Variants in AGL observed in about 807,000 individuals in gnomAD.
AGL encodes the protein amylo-alpha-1,6-glucosidase and 4-alpha-glucanotransferase, also known as glycogen debranching enzyme.
Under a neutral mutation model 199.3 loss-of-function variants are expected in AGL, and 128 were observed. The ratio of observed to expected loss-of-function variants is 0.64; its 90% confidence interval spans 0.56 to 0.74. The LOEUF is 0.74. Among genes scored for constraint, AGL ranks in the 30% least tolerant of loss-of-function variants. AGL has a pLI of 0.00. For synonymous variants in AGL, 584 were observed against 594.7 expected (o/e 0.98, Z 0.26); for missense variants, 1,809 against 1,820.8 (o/e 0.99, Z 0.12).
chr1:99,891,336 C>A lies in AGL; in HGVS notation c.2929C>A (p.Arg977=). 2.5e-6 allele frequency: 4 copies of A among 1,613,506 alleles called. No homozygotes were observed. Among genetic ancestry groups the A allele is most frequent in the African/African-American group, 1.3e-5 (1 of 74,954 alleles). Residue 977 remains arginine, a synonymous_variant, in exon 22 of 34, where the codon CGA becomes AGA. Coordinates refer to ENST00000361915, the MANE Select transcript of AGL (RefSeq NM_000642.3). ...IDYVSNRLIS[R]SGTIAEVGKW... ...CTATGTCAGTAACCGGCTTATTTCA[C>A]GATCAGGAACTATTGCTGAAGTAAG...
In AGL at chr1:99,891,337, G is replaced by A. The variant is rs147977213; in HGVS notation, c.2930G>A (p.Arg977Gln). The change falls in exon 22 of 34, where the codon CGA becomes CAA. Residue 977 changes from arginine (R) to glutamine (Q), a missense_variant. Arg to Gln is a conservative substitution (Grantham distance 43). Coordinates refer to ENST00000361915, the MANE Select transcript of AGL (RefSeq NM_000642.3). ...TATGTCAGTAACCGGCTTATTTCAC[G>A]ATCAGGAACTATTGCTGAAGTAAGT... is the stretch of plus-strand genomic sequence containing the variant. ...IDYVSNRLIS[R>Q]SGTIAEVGKW... 157 of 1,613,558 alleles carry A rather than the reference G, an allele frequency of 9.7e-5. No individual in the cohort carries two copies. The East Asian group carries it at 2.7e-3, about 28-fold the overall frequency.
At chr1:99,859,843 A>C (rs1649890162) in intron 2 of AGL, among the ~76,000 whole-genome samples, 1 of 152,170 alleles carries the variant, frequency 6.6e-6, no homozygotes. Flanking sequence ...TGCCTGGCCA[A>C]ATGTCTTTTG....
Position 99,902,669 on chromosome 1 carries a change from T to C in AGL, c.3589-14T>C, listed in dbSNP as rs886044920. ...AATTTCTAACAGAGGTAACACCCAT[T>C]ATGTCTCAAACAGGATCAGCCATTG... On this transcript the variant is annotated splice_polypyrimidine_tract_variant and intron_variant, in intron 26 of 33. Transcript: ENST00000361915. 1 of 1,593,890 alleles carries C rather than the reference T, an allele frequency of 6.3e-7. No individual in the cohort carries two copies. Among genetic ancestry groups the C allele is most frequent in the Non-Finnish European group, 8.6e-7 (1 of 1,161,904 alleles).
At chr1:99,858,968 C>T (rs1350494480) in intron 2 of AGL, among the ~76,000 whole-genome samples, 9 of 151,590 alleles carry the variant, frequency 5.9e-5, no homozygotes, top group Non-Finnish European at 5.9e-5. Flanking sequence ...GGGTTTTTTC[C>T]TGAAGGTAGA....
intron 27 of AGL, among the ~76,000 whole-genome samples, chr1:99,906,154 C>T (rs552079208): frequency 6.6e-6 from 1 of 152,234 alleles, no homozygotes; most frequent in South Asian, 2.1e-4. Context: ...CTTCCCCAGC[C>T]CCTGGAACCA....
At chr1:99,882,093 C>G (rs1311612330) in intron 17 of AGL, among the ~76,000 whole-genome samples, 2 of 151,244 alleles carry the variant, frequency 1.3e-5, no homozygotes. Flanking sequence ...GAGTCCAGAT[C>G]CCACCACTGC....
intron 21 of AGL, among the ~76,000 whole-genome samples, chr1:99,890,734 G>A (rs992484145): frequency 5.3e-5 from 8 of 151,804 alleles, no homozygotes; most frequent in Non-Finnish European, 1.0e-4. Flanking sequence ...TCCAAAGCAT[G>A]CTTTATTCTT....
In AGL at chr1:99,876,495, A is replaced by C; in HGVS notation, c.1321A>C (p.Met441Leu). The change falls in exon 11 of 34, where the codon ATG (methionine) becomes CTG (leucine). Residue 441 changes from methionine (M) to leucine (L), a missense_variant. Physicochemically the swap from Met to Leu is conservative, Grantham distance 15 (BLOSUM62 2). Coordinates refer to ENST00000361915, the MANE Select transcript of AGL (RefSeq NM_000642.3). ...CCCATTTGAAGAGATAGACTTCTCCATGGAAGAATCTATGATTCATCTGCC... is the reference window on the plus strand; with the variant it reads ...CCCATTTGAAGAGATAGACTTCTCCCTGGAAGAATCTATGATTCATCTGCC... Reference protein sequence around the residue: ...TFPFEEIDFSMEESMIHLPNK... With the variant: ...TFPFEEIDFSLEESMIHLPNK... 1 of 1,610,380 alleles carries C rather than the reference A, an allele frequency of 6.2e-7. No homozygotes were observed. Among genetic ancestry groups the C allele is most frequent in the Non-Finnish European group, 8.5e-7 (1 of 1,176,642 alleles).
intron 7 of AGL, 100 bp from the exon 8 acceptor site, chr1:99,874,587 T>A: frequency 8.8e-7 from 1 of 1,139,336 alleles, no homozygotes. Context: ...TTTGTTTTAT[T>A]TTCAGTGAAA....
intron 13 of AGL, 58 bp from the exon 14 acceptor site, chr1:99,880,574 A>T: frequency 6.4e-7 from 1 of 1,560,010 alleles, no homozygotes; most frequent in East Asian, 2.2e-5. Flanking sequence ...GAAGAAATCT[A>T]ACCTCTTCCT....
chr1:99,896,869 G>A (rs1160654622), intron 25 of AGL, among the ~76,000 whole-genome samples: 1 of 151,954 alleles, frequency 6.6e-6, no homozygotes, highest in Non-Finnish European at 1.5e-5. Context: ...GGAGTGCAGC[G>A]GCACAGTCTC....
At chr1:99,913,858 C>A in intron 30 of AGL, 120 bp downstream of exon 30, 1 of 954,176 alleles carries the variant, frequency 1.0e-6, no homozygotes, top group Non-Finnish European at 1.7e-6. Flanking sequence ...TGCTTACTAG[C>A]TAGTTTTAAA....
rs139202695 is a variant in AGL at position 99,907,940 on chromosome 1, G to C, written c.3701-2772G>C. On this transcript the variant is annotated intron_variant, in intron 27 of 33. Transcript: ENST00000361915. The stretch of plus-strand genomic sequence containing the variant: ...ACGAAACACTTATTAGATATGGTTT[G>C]CAAATATTTTCTCCCATATTGTGGG... Among the ~76,000 whole-genome samples, 3 of 152,040 alleles carry C rather than the reference G, an allele frequency of 2.0e-5. No individual in the cohort carries two copies. The East Asian group carries it at 5.8e-4, about 29-fold the overall frequency.
chr1:99,906,286 A>G (rs1654285871), intron 27 of AGL, among the ~76,000 whole-genome samples: 1 of 152,220 alleles, frequency 6.6e-6, no homozygotes. Flanking sequence ...TTTTATCAAT[A>G]CATAAGAGTT....
Position 99,888,117 on chromosome 1 carries a change from A to G in AGL, c.2812+9A>G, listed in dbSNP as rs1353678276. The stretch of plus-strand genomic sequence containing the variant: ...ATATGCAGGTCTTCAAGGTAAGCAA[A>G]TGGAAGGATAGCTGAGCTTTGTGTT... On this transcript the variant is annotated intron_variant, in intron 21 of 33. Coordinates refer to ENST00000361915, the MANE Select transcript of AGL (RefSeq NM_000642.3). 6.2e-6 allele frequency: 10 copies of G among 1,612,590 alleles called. No homozygotes were observed. Among genetic ancestry groups the G allele is most frequent in the African/African-American group, 1.3e-5 (1 of 74,858 alleles).
chr1:99,871,012 C>T, intron 7 of AGL, 143 bp downstream of exon 7: 1 of 633,742 alleles, frequency 1.6e-6, no homozygotes, highest in Non-Finnish European at 2.8e-6. Context: ...AACTGTGATT[C>T]TGTAAGCTGA....
In AGL at chr1:99,870,482, C is replaced by T; in HGVS notation, c.747C>T (p.Val249=). The change falls in exon 6 of 34, where the codon GTC becomes GTT. Residue 249 remains valine (V), a synonymous_variant. Transcript: ENST00000361915. ...CTCCACACTTAAAACCTGCCTGGGT[C>T]TTAGACAGAGCACTTTGGCGTTTCT... is the stretch of plus-strand genomic sequence containing the variant. ...VNSPHLKPAW[V]LDRALWRFSC... The T allele has an allele frequency of 6.2e-7, 1 of 1,613,978 alleles. No homozygotes were observed. Among genetic ancestry groups the T allele is most frequent in the Non-Finnish European group, 8.5e-7 (1 of 1,179,942 alleles).
intron 23 of AGL, 91 bp from the exon 24 acceptor site, chr1:99,892,341 G>GA (rs1652960224): frequency 1.7e-6 from 2 of 1,202,656 alleles, no homozygotes; most frequent in Non-Finnish European, 1.2e-6. Flanking sequence ...GATTTGTATA[G>GA]AAAAATCATT....
At chr1:99,911,164 A>T (rs1467271804) in intron 28 of AGL, among the ~76,000 whole-genome samples, 1 of 152,190 alleles carries the variant, frequency 6.6e-6, no homozygotes, top group African/African-American at 2.4e-5. Flanking sequence ...TAAACATTTC[A>T]TTATGCCCAT....
Sources: gnomAD v4.1 joint callset for allele counts (sites outside exome capture counted in the v4.1 genomes callset) on GRCh38, gnomAD v4.1.1 for gene constraint, MANE v1.5 for transcripts, NCBI Gene and HGNC (gene_info 2026-07-23, HGNC 2026-07-21) for gene names.